Variants in NAV2 observed in about 807,000 individuals in gnomAD.
NAV2 encodes the protein neuron navigator 2.
Under a neutral mutation model 223.2 loss-of-function variants are expected in NAV2, and 54 were observed. That is an observed-to-expected ratio of 0.24 (90% CI 0.19 to 0.30). NAV2 has a LOEUF of 0.30. Among genes scored for constraint, NAV2 ranks in the 10% least tolerant of loss-of-function variants. The pLI is 1.00. For missense variants in NAV2, 2,806 were observed against 3,147.5 expected (o/e 0.89, Z 2.60); for synonymous variants, 1,279 against 1,239.3 (o/e 1.03, Z -0.67).
chr11:20,091,853 C>T (rs2060873742), intron 27 of NAV2, among the ~76,000 whole-genome samples: 1 of 152,140 alleles, frequency 6.6e-6, no homozygotes, highest in African/African-American at 2.4e-5. Flanking sequence ...CGTAGAGGAG[C>T]TCATTAAAGA....
intron 10 of NAV2, among the ~76,000 whole-genome samples, chr11:19,966,595 T>C (rs2048793366): frequency 6.6e-6 from 1 of 152,186 alleles, no homozygotes. Flanking sequence ...ACAGACACCA[T>C]GCTCTTGTAA....
intron 1 of NAV2, among the ~76,000 whole-genome samples, chr11:19,566,197 A>G (rs1590547619): frequency 6.6e-6 from 1 of 151,934 alleles, no homozygotes; most frequent in East Asian, 1.9e-4. Flanking sequence ...AAGCCTTCTG[A>G]GTAGCTGGGA....
chr11:19,859,190 G>A (rs1210204434), intron 3 of NAV2, among the ~76,000 whole-genome samples: 1 of 133,374 alleles, frequency 7.5e-6, no homozygotes, highest in Non-Finnish European at 1.6e-5. Context: ...TCTCGCAGAG[G>A]GGGATTTGGC....
In NAV2 at chr11:20,020,845, C is replaced by T. The variant is rs1591692726; in HGVS notation, c.2769-15114C>T. Among the ~76,000 whole-genome samples, 8 of 152,250 alleles carry T rather than the reference C, an allele frequency of 5.3e-5. No individual in the cohort carries two copies. In the South Asian group the frequency reaches 1.7e-3, roughly 32 times the overall value. On this transcript the variant is annotated intron_variant, in intron 11 of 37. Coordinates refer to ENST00000349880, the MANE Select transcript of NAV2 (RefSeq NM_145117.5). ...TAGGCACTCTCCTCTCTCGCTGTAC[C>T]CTTGGACTCTCTGGCCTGACCCCCT... is the stretch of plus-strand genomic sequence containing the variant.
At chr11:19,777,300 GGGCGA>G (rs1459604879) in intron 1 of NAV2, among the ~76,000 whole-genome samples, 1 of 151,516 alleles carries the variant, frequency 6.6e-6, no homozygotes, top group Non-Finnish European at 1.5e-5. Flanking sequence ...CCCGGGGCGG[GGGCGA>G]GGCGACCGCG....
rs201669772 is a variant in NAV2, at chr11:19,385,753, CTTTTTTTTTTT to C, written c.75+34742_75+34752del. Among the ~76,000 whole-genome samples the C allele has an allele frequency of 5.3e-5, 6 of 112,780 alleles. 1 individual carries two copies. The highest frequency in any genetic ancestry group is 5.8e-4 in the East Asian group (2 of 3,430). The allele number at this position is 112,780 out of a possible 152,430, so 74.0% of individuals were successfully genotyped here. ...CTCAACTGCTTTTTCAATATAGCTC[CTTTTTTTTTTT>C]TTTTTTTTTTTTTTTGAGACAGAGT... is the stretch of plus-strand genomic sequence containing the variant. On this transcript the variant is annotated intron_variant, in intron 1 of 37. Transcript: ENST00000360655.
At chr11:19,590,607 C>T (rs1364624052) in intron 1 of NAV2, among the ~76,000 whole-genome samples, 1 of 152,136 alleles carries the variant, frequency 6.6e-6, no homozygotes, top group Non-Finnish European at 1.5e-5. Flanking sequence ...AGCTCAAAAT[C>T]CATTTTCCAA....
At chr11:19,899,572 G>A (rs959798379) in intron 6 of NAV2, among the ~76,000 whole-genome samples, 1 of 152,090 alleles carries the variant, frequency 6.6e-6, no homozygotes, top group Non-Finnish European at 1.5e-5. Flanking sequence ...CACTGGACTG[G>A]TTGTCGTGAC....
At chr11:19,866,647 A>G (rs1329093481) in intron 3 of NAV2, among the ~76,000 whole-genome samples, 3 of 152,202 alleles carry the variant, frequency 2.0e-5, no homozygotes, top group African/African-American at 7.2e-5. Context: ...GCTTCTTGGA[A>G]TGTGAGTTCT....
At position 19,998,612 on chromosome 11, in the gene NAV2, G is replaced by A. The variant is rs974145378; in HGVS notation, c.2768+14365G>A. 6.6e-6 allele frequency among the ~76,000 whole-genome samples: 1 copy of A among 152,086 alleles called. No individual in the cohort carries two copies. The highest frequency in any genetic ancestry group is 2.4e-5 in the African/African-American group (1 of 41,408). On this transcript the variant is annotated intron_variant, in intron 11 of 37. Transcript: ENST00000349880. This position sits in a 1 kb window ranked among gnomAD's most constrained non-coding sequence, Gnocchi z 5.0. ...TCACCTCATCACGCTTTACCTCCCT[G>A]ACTCCTGCCTTCATCCATTCCCCTG...
intron 11 of NAV2, chr11:20,023,237 G>A: frequency 1.1e-6 from 1 of 898,120 alleles, no homozygotes; most frequent in African/African-American, 1.8e-5. Flanking sequence ...GCAGCCTGTG[G>A]TGCAGCTGCC....
At chr11:19,482,910 G>T (rs1245851548) in intron 1 of NAV2, among the ~76,000 whole-genome samples, 1 of 152,196 alleles carries the variant, frequency 6.6e-6, no homozygotes, top group African/African-American at 2.4e-5. Flanking sequence ...ATGCATGTAT[G>T]GATTGTAGGG....
intron 11 of NAV2, among the ~76,000 whole-genome samples, chr11:20,015,279 C>A (rs994904742): frequency 6.6e-6 from 1 of 152,144 alleles, no homozygotes; most frequent in African/African-American, 2.4e-5. Context: ...CTCCTTATGG[C>A]CTTGGAGACA....
chr11:19,716,817 C>G (rs949150310), intron 1 of NAV2, among the ~76,000 whole-genome samples: 4 of 152,180 alleles, frequency 2.6e-5, no homozygotes, highest in African/African-American at 9.7e-5. Flanking sequence ...CCTTATATAT[C>G]ACTTTCTATG....
intron 1 of NAV2, among the ~76,000 whole-genome samples, chr11:19,625,038 C>G (rs1227907637): frequency 1.3e-5 from 2 of 152,192 alleles, no homozygotes; most frequent in African/African-American, 4.8e-5. Flanking sequence ...TATTCATCAT[C>G]TCAAACATTT....
chr11:19,383,290 CA>C (rs1180871707), intron 1 of NAV2, among the ~76,000 whole-genome samples: 2 of 152,170 alleles, frequency 1.3e-5, no homozygotes, highest in Non-Finnish European at 2.9e-5. Context: ...CCCCTCCTCC[CA>C]AATAACCTCA....
At chr11:19,603,672 A>G (rs531967207) in intron 1 of NAV2, among the ~76,000 whole-genome samples, 98 of 152,008 alleles carry the variant, frequency 6.4e-4, no homozygotes, top group Middle Eastern at 3.4e-3. Context: ...GAAACAGAGC[A>G]AAAGAGAAAA....
intron 1 of NAV2, among the ~76,000 whole-genome samples, chr11:19,654,959 A>G (rs553773822): frequency 1.0e-3 from 157 of 152,338 alleles, no homozygotes; most frequent in Non-Finnish European, 1.7e-3. Context: ...CAGGCAACCT[A>G]CAGAATGGGA....
At chr11:20,099,701 G>GA (rs1247088767) in intron 31 of NAV2, among the ~76,000 whole-genome samples, 1 of 152,210 alleles carries the variant, frequency 6.6e-6, no homozygotes, top group African/African-American at 2.4e-5. Context: ...GGTACCAGGG[G>GA]AAGGGGGTTT....
Sources: gnomAD v4.1 joint callset for allele counts (sites outside exome capture counted in the v4.1 genomes callset) on GRCh38, gnomAD v4.1.1 for gene constraint, Gnocchi (gnomAD v3.1) non-coding constraint, MANE v1.5 for transcripts, NCBI Gene and HGNC (gene_info 2026-07-23, HGNC 2026-07-21) for gene names.